WBP11: variants seen among roughly 807,000 people sequenced by gnomAD.
The protein encoded by WBP11 is WW domain-binding protein 11.
A neutral mutation model predicts 66.7 loss-of-function variants in WBP11; 12 were observed. The observed-to-expected ratio is 0.18, with a 90% confidence interval of 0.12 to 0.29. The LOEUF is 0.29. WBP11 is among the 10% of genes least tolerant of loss of function. The pLI, the probability that WBP11 is intolerant of heterozygous loss-of-function variation, is 1.00. For missense variants in WBP11, 555 were observed against 818.3 expected, an observed-to-expected ratio of 0.68 and a Z score of 3.93; for synonymous variants, 255 against 273.8, an observed-to-expected ratio of 0.93 and a Z score of 0.68.
chr12:14,796,768 ATATTT>A lies in WBP11; in HGVS notation c.387+34_387+38del. The A allele has an allele frequency of 6.4e-7, 1 of 1,558,568 alleles. No homozygotes were observed. Among genetic ancestry groups the A allele is most frequent in the Non-Finnish European group, 8.6e-7 (1 of 1,158,536 alleles). The stretch of plus-strand genomic sequence containing the variant: ...GCATAAGGGATACTCAATCTGTATA[ATATTT>A]TAGTTTATCTCTCAAAAAAAAAACC... On this transcript the variant is annotated intron_variant, in intron 5 of 11. Coordinates refer to ENST00000261167, the MANE Select transcript of WBP11 (RefSeq NM_016312.3). The surrounding 1 kb of genome is among the most constrained non-coding windows in gnomAD (Gnocchi z 4.5).
intron 2 of WBP11, 88 bp downstream of exon 2, chr12:14,801,232 G>A: frequency 7.5e-7 from 1 of 1,334,350 alleles, no homozygotes. Context: ...TGCTGGTCTT[G>A]TAATTAAGCC....
chr12:14,800,737 C>T lies in WBP11; in HGVS notation c.96+15G>A. On this transcript the variant is annotated intron_variant, in intron 3 of 11. Transcript: ENST00000261167. ...ACAATACTTAAAGTTTTATAAGATG[C>T]CTCTAAAATCATACCTTCTTTAATT... is the stretch of plus-strand genomic sequence containing the variant. 1 of 1,600,394 alleles carries T rather than the reference C, an allele frequency of 6.2e-7. No homozygotes were observed. The highest frequency in any genetic ancestry group is 1.1e-5 in the South Asian group (1 of 89,528).
intron 11 of WBP11, 45 bp from the exon 12 acceptor site, chr12:14,787,543 A>G (rs760584916): frequency 7.1e-7 from 1 of 1,414,414 alleles, no homozygotes; most frequent in Non-Finnish European, 9.3e-7. Context: ...AGAACTAATA[A>G]AATTTAACTA....
rs1949749447 is a variant in WBP11 at position 14,785,954 on chromosome 12, A to AGT, written c.*1110_*1111insAC. 2 of 152,202 alleles carry AGT rather than the reference A, an allele frequency of 1.3e-5. No individual in the cohort carries two copies. The highest frequency in any genetic ancestry group is 4.2e-4 in the South Asian group (2 of 4,818). The allele number at this position is 152,202 out of a possible 1,614,324, so 9.4% of individuals were successfully genotyped here. On this transcript the variant is annotated 3_prime_UTR_variant, in exon 12 of 12. Coordinates refer to ENST00000261167, the MANE Select transcript of WBP11 (RefSeq NM_016312.3). ...TAGTCATTAAATTAACATTAAACTT[A>AGT]CTAAGAGTTAGTCTAAATTGGTAGA...
At position 14,790,720 on chromosome 12, in the gene WBP11, C is replaced by A. The variant is rs909620354; in HGVS notation, c.1045G>T (p.Val349Leu). The A allele has an allele frequency of 1.2e-6, 2 of 1,613,906 alleles. No homozygotes were observed. The highest frequency in any genetic ancestry group is 1.7e-6 in the Non-Finnish European group (2 of 1,179,930). The change falls in exon 10 of 12, where the codon GTA becomes TTA. Residue 349 changes from valine to leucine, a missense_variant. Val to Leu is a conservative substitution (Grantham distance 32). Coordinates refer to ENST00000261167, the MANE Select transcript of WBP11 (RefSeq NM_016312.3). ...TCATCGTCCTCTGAAAATTCCTCTACTTCCCGTCCCTCCTCAGGGATTTCT... is the reference window on the plus strand; with the variant it reads ...TCATCGTCCTCTGAAAATTCCTCTAATTCCCGTCCCTCCTCAGGGATTTCT... ...GQEIPEEGRE[V>L]EEFSEDDDED...
At chr12:14,803,313 G>A (rs1206761340) in intron 1 of WBP11, 39 bp downstream of exon 1, 3 of 397,506 alleles carry the variant, frequency 7.5e-6, no homozygotes, top group African/African-American at 4.1e-5. Flanking sequence ...AGGGACGAAA[G>A]AGGTGAGGAA....
chr12:14,801,209 T>C, intron 2 of WBP11, 111 bp downstream of exon 2: 1 of 1,039,080 alleles, frequency 9.6e-7, no homozygotes, highest in East Asian at 2.4e-5. Context: ...ATATAATTTA[T>C]TCCTCCTATC....
Position 14,787,183 on chromosome 12 carries a change from T to C in WBP11, c.1808A>G (p.Asp603Gly). 1 of 1,613,994 alleles carries C rather than the reference T, an allele frequency of 6.2e-7. No homozygotes were observed. The highest frequency in any genetic ancestry group is 8.5e-7 in the Non-Finnish European group (1 of 1,180,034). ...TGCTTTGGCAAGAGGCACAGCAGAA[T>C]CATCCTCTGACTTTCTTTGGGGAGC... ...TAAPQRKSED[D>G]SAVPLAKAAP... is the part of the protein sequence containing the mutation. Residue 603 changes from aspartate (D) to glycine (G), a missense_variant, in exon 12 of 12, where the codon GAT (aspartate) becomes GGT (glycine). Asp to Gly is a moderately conservative substitution (Grantham distance 94). Around this residue, in one of 6 missense-constraint regions of WBP11, gnomAD observed 50 missense variants for 68.3 expected, o/e 0.73. Transcript: ENST00000261167.
At chr12:14,801,181 C>T (rs1949957907) in intron 2 of WBP11, 139 bp downstream of exon 2, 2 of 722,344 alleles carry the variant, frequency 2.8e-6, no homozygotes, top group Non-Finnish European at 4.5e-6. Flanking sequence ...TCTTAATGTG[C>T]CCATACAAAC....
chr12:14,799,809 A>G, intron 3 of WBP11, 81 bp from the exon 4 acceptor site: 1 of 1,324,940 alleles, frequency 7.5e-7, no homozygotes, highest in Non-Finnish European at 1.0e-6. Context: ...ATCTAAACAG[A>G]ATAACTCCTT....
chr12:14,790,112 C>T (rs777516122), intron 10 of WBP11, among the ~76,000 whole-genome samples: 1 of 152,222 alleles, frequency 6.6e-6, no homozygotes, highest in Non-Finnish European at 1.5e-5. Context: ...CTGTGTCTTA[C>T]TCCCACCTGC....
At chr12:14,794,819 AATTTTCAAGGGATTTCTT>A in intron 6 of WBP11, 83 bp from the exon 7 acceptor site, 8 of 1,536,768 alleles carry the variant, frequency 5.2e-6, no homozygotes, top group Non-Finnish European at 7.0e-6. Flanking sequence ...TCTTCTAAAC[AATTTTCAAGGGATTTCTT>A]ATTTTACATT....
chr12:14,791,352 T>G, intron 8 of WBP11, 82 bp from the exon 9 acceptor site: 1 of 1,116,872 alleles, frequency 9.0e-7, no homozygotes, highest in Non-Finnish European at 1.3e-6. Flanking sequence ...TATAAAGTAC[T>G]AGATATGATT....
intron 1 of WBP11, 115 bp downstream of exon 1, chr12:14,803,236 CA>C: frequency 2.5e-6 from 1 of 392,900 alleles, no homozygotes; most frequent in Non-Finnish European, 4.5e-6. Flanking sequence ...AGGGAGACCT[CA>C]ACCAGGGAGA....
Position 14,799,723 on chromosome 12 carries a change from T to C in WBP11, c.102A>G (p.Lys34=), listed in dbSNP as rs1322089177. 11 of 1,612,870 alleles carry C rather than the reference T, an allele frequency of 6.8e-6. No individual in the cohort carries two copies. The highest frequency in any genetic ancestry group is 3.3e-4 in the Middle Eastern group (2 of 6,056). The part of the protein sequence containing the change: ...EARKRELKKN[K]KQRMMVRAAV... ...CAGCTCGAACCATCATGCGCTGTTT[T>C]TTGTTCTTAGAAAAATAAAAGGGCA... Residue 34 remains lysine, a synonymous_variant, in exon 4 of 12, where the codon AAA becomes AAG. Coordinates refer to ENST00000261167, the MANE Select transcript of WBP11 (RefSeq NM_016312.3).
chr12:14,798,841 T>C (rs1949924658), intron 4 of WBP11, among the ~76,000 whole-genome samples: 1 of 152,166 alleles, frequency 6.6e-6, no homozygotes, highest in South Asian at 2.1e-4. Flanking sequence ...TGGCAGAAAC[T>C]TGACAGGTGA....
chr12:14,800,887 T>G (rs773946368), intron 2 of WBP11, 104 bp from the exon 3 acceptor site: 58 of 996,636 alleles, frequency 5.8e-5, no homozygotes, highest in Middle Eastern at 3.1e-4. Flanking sequence ...AGTTACAGTA[T>G]GCACTGTAAA....
At chr12:14,795,187 A>G in intron 5 of WBP11, 83 bp from the exon 6 acceptor site, 1 of 1,398,632 alleles carries the variant, frequency 7.1e-7, no homozygotes, top group South Asian at 1.5e-5. Flanking sequence ...GCTGTTTCGT[A>G]ACTTGGACAT....
chr12:14,788,570 C>T (rs1486146190), intron 11 of WBP11, among the ~76,000 whole-genome samples: 1 of 151,900 alleles, frequency 6.6e-6, no homozygotes, highest in Non-Finnish European at 1.5e-5. Context: ...ATATACCTAC[C>T]ACATAAAACA....
Sources: allele counts gnomAD v4.1 joint callset (sites outside exome capture counted in the v4.1 genomes callset), GRCh38; gene constraint gnomAD v4.1.1; regional missense constraint gnomAD v4.1.1; non-coding constraint Gnocchi (gnomAD v3.1); transcripts MANE v1.5; gene names NCBI Gene and HGNC (gene_info 2026-07-23, HGNC 2026-07-21).